Variants in ENTREP2 observed in about 807,000 individuals in gnomAD.
The protein encoded by ENTREP2 is endosomal transmembrane epsin interactor 2.
the ENTREP2 span, among the ~76,000 whole-genome samples, chr15:29,339,167 G>C: frequency 1.3e-5 from 2 of 152,370 alleles, no homozygotes; most frequent in African/African-American, 4.8e-5. Context: ...GTTGGCACGA[G>C]ATAGGGCCCC....
At chr15:29,600,439 C>CCATCAT in the ENTREP2 span, among the ~76,000 whole-genome samples, 14,964 of 141,692 alleles carry the variant, frequency 0.11, 1,240 homozygotes, top group African/African-American at 0.25. Context: ...TTCTCTCCCA[C>CCATCAT]CATCATCATC....
At chr15:29,269,480 C>CG in the ENTREP2 span, 1 of 1,611,128 alleles carries the variant, frequency 6.2e-7, no homozygotes, top group Non-Finnish European at 8.5e-7. Flanking sequence ...GGCCCCACGG[C>CG]GGGGGCGGCC....
At chr15:29,597,361 G>T in the ENTREP2 span, among the ~76,000 whole-genome samples, 2 of 151,972 alleles carry the variant, frequency 1.3e-5, no homozygotes, top group South Asian at 2.1e-4. Context: ...CTGAGGTCAG[G>T]AGTTCGAGAC....
the ENTREP2 span, among the ~76,000 whole-genome samples, chr15:29,287,674 T>C: frequency 3.3e-5 from 5 of 152,178 alleles, no homozygotes; most frequent in African/African-American, 7.2e-5. Context: ...GGTAAAGATA[T>C]CAATATTCCC....
chr15:29,631,481 G>A, the ENTREP2 span, among the ~76,000 whole-genome samples: 3 of 152,210 alleles, frequency 2.0e-5, no homozygotes, highest in African/African-American at 7.2e-5. Context: ...CAGAGCCCCT[G>A]TAGTGCTACT....
At chr15:29,154,927 C>A in the ENTREP2 span, among the ~76,000 whole-genome samples, 3 of 152,162 alleles carry the variant, frequency 2.0e-5, no homozygotes, top group African/African-American at 7.2e-5. Context: ...AACACTTTCC[C>A]AAGTTTATAG....
At chr15:29,232,755 T>C in the ENTREP2 span, among the ~76,000 whole-genome samples, 1 of 152,306 alleles carries the variant, frequency 6.6e-6, no homozygotes, top group African/African-American at 2.4e-5. Context: ...GCGATCCTCC[T>C]GCCCCAGCTT....
At chr15:29,286,324 T>C in the ENTREP2 span, among the ~76,000 whole-genome samples, 1 of 152,228 alleles carries the variant, frequency 6.6e-6, no homozygotes, top group Non-Finnish European at 1.5e-5. Flanking sequence ...TTTATCAAAG[T>C]AGCTCGATAT....
the ENTREP2 span, among the ~76,000 whole-genome samples, chr15:29,440,256 T>C: frequency 6.6e-6 from 1 of 152,220 alleles, no homozygotes; most frequent in Non-Finnish European, 1.5e-5. Flanking sequence ...TTACATGAGA[T>C]GCTGATTTTT....
chr15:29,444,120 G>A, the ENTREP2 span, among the ~76,000 whole-genome samples: 3 of 138,426 alleles, frequency 2.2e-5, no homozygotes, highest in South Asian at 4.6e-4. Context: ...AAGAAAGACA[G>A]ACAGAAAGAA....
At chr15:29,538,379 C>T in the ENTREP2 span, among the ~76,000 whole-genome samples, 1 of 151,990 alleles carries the variant, frequency 6.6e-6, no homozygotes, top group Admixed American at 6.6e-5. Context: ...AAGAGGCAAA[C>T]GATGACTGAT....
the ENTREP2 span, among the ~76,000 whole-genome samples, chr15:29,623,224 A>G: frequency 1.3e-5 from 2 of 152,186 alleles, 1 homozygote; most frequent in South Asian, 4.1e-4. Context: ...TGAAACACAC[A>G]CATGGTCTTG....
At chr15:29,131,306 C>T in the ENTREP2 span, among the ~76,000 whole-genome samples, 1 of 151,912 alleles carries the variant, frequency 6.6e-6, no homozygotes, top group Non-Finnish European at 1.5e-5. Context: ...GGACCTGGTG[C>T]TGCTCCTGGA....
At chr15:29,471,664 T>TAC in the ENTREP2 span, among the ~76,000 whole-genome samples, 1 of 152,058 alleles carries the variant, frequency 6.6e-6, no homozygotes, top group East Asian at 1.9e-4. Context: ...AATGCACGCA[T>TAC]ACACCGGGGT....
the ENTREP2 span, among the ~76,000 whole-genome samples, chr15:29,526,856 C>G: frequency 6.6e-6 from 1 of 152,018 alleles, no homozygotes; most frequent in African/African-American, 2.4e-5. Context: ...TGCCTCCACA[C>G]TCCCACTCTC....
the ENTREP2 span, among the ~76,000 whole-genome samples, chr15:29,204,463 C>T: frequency 6.6e-6 from 1 of 152,132 alleles, no homozygotes; most frequent in African/African-American, 2.4e-5. Flanking sequence ...TGTGTCAAGC[C>T]CGAGAACTTA....
the ENTREP2 span, among the ~76,000 whole-genome samples, chr15:29,288,004 G>A: frequency 2.0e-5 from 3 of 152,212 alleles, no homozygotes; most frequent in Non-Finnish European, 4.4e-5. Context: ...GGAAGGGACT[G>A]TCTTTTGAAT....
At chr15:29,657,493 G>GGGGGT in the ENTREP2 span, among the ~76,000 whole-genome samples, 1 of 135,874 alleles carries the variant, frequency 7.4e-6, no homozygotes, top group African/African-American at 2.7e-5. Context: ...CGGGGGGGGG[G>GGGGGT]GGTGGCCAGC....
chr15:29,536,157 G>T, the ENTREP2 span, among the ~76,000 whole-genome samples: 1 of 152,166 alleles, frequency 6.6e-6, no homozygotes, highest in Non-Finnish European at 1.5e-5. Flanking sequence ...ACATGACTTA[G>T]GTCTGACCAC....
Sources: gnomAD v4.1 joint callset for allele counts (sites outside exome capture counted in the v4.1 genomes callset) on GRCh38, gnomAD v4.1.1 for gene constraint, MANE v1.5 for transcripts, NCBI Gene and HGNC (gene_info 2026-07-23, HGNC 2026-07-21) for gene names.